Variants in ATP13A4 observed in about 807,000 individuals in gnomAD.
The protein encoded by ATP13A4 is probable cation-transporting ATPase 13A4.
In ATP13A4, 114 loss-of-function variants were observed where a neutral mutation model predicts 142.5. That is an observed-to-expected ratio of 0.80 (90% CI 0.69 to 0.93). ATP13A4 has a LOEUF of 0.93. Among genes scored for constraint, ATP13A4 ranks in the 40% least tolerant of loss-of-function variants. ATP13A4 has a pLI of 0.00. For synonymous variants in ATP13A4, 488 were observed against 514.8 expected (o/e 0.95, Z 0.70); for missense variants, 1,392 against 1,454.0 (o/e 0.96, Z 0.69).
At chr3:193,510,904 GT>G (rs1466539950) in intron 2 of ATP13A4, among the ~76,000 whole-genome samples, 1 of 152,120 alleles carries the variant, frequency 6.6e-6, no homozygotes, top group Non-Finnish European at 1.5e-5. Context: ...AATCATCACA[GT>G]CCAGCTATTG....
At chr3:193,501,629 A>C (rs1441021250) in intron 3 of ATP13A4, among the ~76,000 whole-genome samples, 7 of 152,042 alleles carry the variant, frequency 4.6e-5, no homozygotes, top group African/African-American at 1.4e-4. Context: ...AACAATTGAC[A>C]ATAGGAAAAT....
intron 26 of ATP13A4, 120 bp downstream of exon 26, chr3:193,414,459 G>T: frequency 2.7e-6 from 3 of 1,119,626 alleles, no homozygotes; most frequent in Admixed American, 2.0e-5. Flanking sequence ...TTGCCCAAGG[G>T]ACTTTAAAAA....
At chr3:193,558,390 T>C (rs1723948905), upstream of ATP13A4, among the ~76,000 whole-genome samples, 1 of 152,260 alleles carries the variant, frequency 6.6e-6, no homozygotes, top group African/African-American at 2.4e-5. Flanking sequence ...GTCTGAATTC[T>C]AATCTTGACA....
At chr3:193,456,712 T>C (rs755784197) in intron 16 of ATP13A4, among the ~76,000 whole-genome samples, 6 of 152,006 alleles carry the variant, frequency 3.9e-5, no homozygotes, top group Non-Finnish European at 8.8e-5. Flanking sequence ...AGAAGGACCA[T>C]GGACTAGCAA....
chr3:193,438,365 C>A (rs1716424311), intron 23 of ATP13A4, 110 bp downstream of exon 23: 1 of 887,728 alleles, frequency 1.1e-6, no homozygotes, highest in East Asian at 2.6e-5. Flanking sequence ...CACAAAACAC[C>A]CTCCGCACCC....
At chr3:193,573,158 A>G (rs1724306887) in intron 2 of ATP13A4, among the ~76,000 whole-genome samples, 3 of 150,406 alleles carry the variant, frequency 2.0e-5, no homozygotes, top group Admixed American at 2.0e-4. Context: ...TATAATGTTT[A>G]GCAAAACTCT....
At chr3:193,579,747 A>G (rs1365339840) in intron 2 of ATP13A4, among the ~76,000 whole-genome samples, 2 of 152,158 alleles carry the variant, frequency 1.3e-5, no homozygotes, top group African/African-American at 4.8e-5. Context: ...CAGATGGTGT[A>G]GCTGGGAACA....
At chr3:193,404,572 G>C (rs1328792386) in intron 29 of ATP13A4, among the ~76,000 whole-genome samples, 1 of 152,160 alleles carries the variant, frequency 6.6e-6, no homozygotes, top group East Asian at 1.9e-4. Flanking sequence ...TAGTGAGTGA[G>C]TTCTCATGAG....
upstream of ATP13A4, among the ~76,000 whole-genome samples, chr3:193,555,970 G>A (rs1233709882): frequency 6.6e-6 from 1 of 152,180 alleles, no homozygotes; most frequent in Non-Finnish European, 1.5e-5. Context: ...ACATTGTACA[G>A]CACTGATCAA....
rs1465197624 is a variant in ATP13A4 at position 193,586,120 on chromosome 3, T to TAC, written n.92-4216_92-4215dup. The stretch of plus-strand genomic sequence containing the variant: ...ACACACACACACACACACACACATA[T>TAC]ACACACACACGCATATCGTCCTTTG... On this transcript the variant is annotated intron_variant and non_coding_transcript_variant, in intron 1 of 3. Coordinates refer to the ATP13A4 transcript ENST00000489140. Among the ~76,000 whole-genome samples the TAC allele has an allele frequency of 6.4e-5, 9 of 140,852 alleles. No homozygotes were observed. In the South Asian group the frequency reaches 1.1e-3, roughly 17 times the overall value. 92.4% of individuals were successfully genotyped at this position (140,852 alleles called of 152,430 possible). A position where few individuals can be genotyped will look rare whatever the true frequency, so the allele number is the denominator to read the frequency against.
rs1395978296 is a variant in ATP13A4 at position 193,399,264 on chromosome 3, T to C, written c.*3388A>G. Among the ~76,000 whole-genome samples the C allele has an allele frequency of 1.3e-5, 2 of 152,174 alleles. No individual in the cohort carries two copies. Among genetic ancestry groups the C allele is most frequent in the East Asian group, 3.9e-4 (2 of 5,186 alleles). ...CTCAAGAAAGTGTATTGATAACAGGTTGCTCCGCCCTCAAGTTTAGGGCAC... is the reference window on the plus strand; with the variant it reads ...CTCAAGAAAGTGTATTGATAACAGGCTGCTCCGCCCTCAAGTTTAGGGCAC... On this transcript the variant is annotated 3_prime_UTR_variant, in exon 30 of 30. Coordinates refer to ENST00000342695, the MANE Select transcript of ATP13A4 (RefSeq NM_032279.4).
At chr3:193,461,332 T>C (rs1055295163) in intron 13 of ATP13A4, among the ~76,000 whole-genome samples, 1 of 152,224 alleles carries the variant, frequency 6.6e-6, no homozygotes, top group Non-Finnish European at 1.5e-5. Context: ...CTACAGCACT[T>C]AGGATGCAAA....
chr3:193,477,076 C>G (rs1412023038), intron 8 of ATP13A4, among the ~76,000 whole-genome samples: 1 of 151,990 alleles, frequency 6.6e-6, no homozygotes, highest in South Asian at 2.1e-4. Context: ...AATGCAGTAT[C>G]TTTGAAGCAC....
At chr3:193,454,790 G>A (rs1717489954) in intron 16 of ATP13A4, among the ~76,000 whole-genome samples, 1 of 152,112 alleles carries the variant, frequency 6.6e-6, no homozygotes, top group African/African-American at 2.4e-5. Flanking sequence ...TACCATTCTG[G>A]ATATAGGCAC....
At position 193,477,262 on chromosome 3, in the gene ATP13A4, T is replaced by C. The variant is rs1352405126; in HGVS notation, c.809-6269A>G. Reference sequence around the variant, plus strand: ...AAAGACTCTTTATATTTTAGAGCTATATGCTGAAATATTTTCAAATAAAAT... The same window carrying C: ...AAAGACTCTTTATATTTTAGAGCTACATGCTGAAATATTTTCAAATAAAAT... On this transcript the variant is annotated intron_variant, in intron 8 of 29. Transcript: ENST00000342695. Among the ~76,000 whole-genome samples, 16 of 152,232 alleles carry C rather than the reference T, an allele frequency of 1.1e-4. No homozygotes were observed. In the East Asian group the frequency reaches 3.1e-3, roughly 29 times the overall value.
In ATP13A4 at chr3:193,418,612, G is replaced by A. The variant is rs567603645; in HGVS notation, c.2843-3862C>T. Among the ~76,000 whole-genome samples, 44 of 149,616 alleles carry A rather than the reference G, an allele frequency of 2.9e-4. 1 individual carries two copies. Among genetic ancestry groups the A allele is most frequent in the South Asian group, 6.3e-4 (3 of 4,728 alleles). The stretch of plus-strand genomic sequence containing the variant: ...CTTAGAACCAAGAGGATGTCTCCTT[G>A]TGGGGAAAAGGTAAGCAAGAGGACC... On this transcript the variant is annotated intron_variant, in intron 25 of 29. Transcript: ENST00000342695.
chr3:193,510,805 T>C lies in ATP13A4; in HGVS notation c.234+3893A>G, dbSNP rs562586967. Among the ~76,000 whole-genome samples the C allele has an allele frequency of 7.2e-5, 11 of 152,302 alleles. No individual in the cohort carries two copies. The South Asian group carries it at 1.9e-3, about 26-fold the overall frequency. The stretch of plus-strand genomic sequence containing the variant: ...AATCTTACCAGCGTGAGATTGATGA[T>C]AAATAGCAAGTACTGATTTTTTAAT... On this transcript the variant is annotated intron_variant, in intron 2 of 29. Transcript: ENST00000342695.
chr3:193,488,658 A>G (rs1229808245), intron 7 of ATP13A4, among the ~76,000 whole-genome samples: 1 of 152,214 alleles, frequency 6.6e-6, no homozygotes, highest in African/African-American at 2.4e-5. Context: ...ATGAGTGAAA[A>G]GTAAGAGGAA....
At chr3:193,480,577 G>A (rs537399085) in intron 8 of ATP13A4, among the ~76,000 whole-genome samples, 4 of 152,138 alleles carry the variant, frequency 2.6e-5, no homozygotes, top group Admixed American at 1.3e-4. Context: ...ACCACAATGC[G>A]ATATCACCTT....
Sources: allele counts gnomAD v4.1 joint callset (sites outside exome capture counted in the v4.1 genomes callset), GRCh38; gene constraint gnomAD v4.1.1; transcripts MANE v1.5; gene names NCBI Gene and HGNC (gene_info 2026-07-23, HGNC 2026-07-21).